Variants in BLTP1 observed in about 807,000 individuals in gnomAD.
BLTP1 encodes the protein fragile site-associated protein.
the BLTP1 span, chr4:122,256,135 G>A: frequency 1.0e-6 from 1 of 984,684 alleles, no homozygotes; most frequent in African/African-American, 1.7e-5. Flanking sequence ...GCCAATAGGG[G>A]ACACACAAGA....
the BLTP1 span, chr4:122,230,032 G>C: frequency 6.2e-7 from 1 of 1,614,132 alleles, no homozygotes; most frequent in Non-Finnish European, 8.5e-7. Flanking sequence ...AGTACATTGA[G>C]CAATTAAATA....
chr4:122,168,176 A>AT, the BLTP1 span, among the ~76,000 whole-genome samples: 5 of 152,210 alleles, frequency 3.3e-5, no homozygotes, highest in African/African-American at 1.2e-4. Context: ...TTAATCTAAT[A>AT]TTTGGGAAAT....
chr4:122,356,035 C>T, the BLTP1 span: 2 of 1,419,016 alleles, frequency 1.4e-6, no homozygotes, highest in Non-Finnish European at 1.9e-6. Flanking sequence ...ATTCTAAAGG[C>T]ACTTCAAACT....
the BLTP1 span, chr4:122,334,161 A>T: frequency 4.8e-6 from 1 of 207,572 alleles, no homozygotes; most frequent in Admixed American, 6.5e-5. Flanking sequence ...GATTATCTGA[A>T]ATGACCTTTT....
the BLTP1 span, among the ~76,000 whole-genome samples, chr4:122,191,057 G>A: frequency 6.6e-6 from 1 of 152,100 alleles, no homozygotes; most frequent in African/African-American, 2.4e-5. Context: ...CACATTTACG[G>A]TAAAACAAAA....
At chr4:122,196,243 A>G in the BLTP1 span, among the ~76,000 whole-genome samples, 1 of 152,168 alleles carries the variant, frequency 6.6e-6, no homozygotes, top group Non-Finnish European at 1.5e-5. Context: ...GACAAGGTAT[A>G]TTATTCCTGT....
At chr4:122,179,824 C>T in the BLTP1 span, 1 of 984,724 alleles carries the variant, frequency 1.0e-6, no homozygotes, top group Non-Finnish European at 1.2e-6. Context: ...CTAGTACACT[C>T]ACTGTATCCC....
the BLTP1 span, chr4:122,199,917 CAA>C: frequency 2.0e-6 from 2 of 978,232 alleles, no homozygotes; most frequent in Non-Finnish European, 2.4e-6. Flanking sequence ...TAAAGAGAAA[CAA>C]TATGTAAATG....
the BLTP1 span, chr4:122,337,203 A>G: frequency 5.2e-6 from 3 of 576,474 alleles, no homozygotes; most frequent in African/African-American, 3.8e-5. Flanking sequence ...AATTTTATGT[A>G]TATACAGATG....
At chr4:122,275,982 T>A in the BLTP1 span, 15 of 1,563,544 alleles carry the variant, frequency 9.6e-6, no homozygotes, top group African/African-American at 1.4e-5. Flanking sequence ...ACTGGAGGAT[T>A]TTCCTACATC....
At chr4:122,159,967 T>TG in the BLTP1 span, among the ~76,000 whole-genome samples, 3 of 152,270 alleles carry the variant, frequency 2.0e-5, no homozygotes, top group South Asian at 6.2e-4. Context: ...GGACCTGGAG[T>TG]GACCCTTCCT....
the BLTP1 span, chr4:122,333,726 G>T: frequency 3.8e-5 from 61 of 1,611,944 alleles, no homozygotes; most frequent in Non-Finnish European, 4.8e-5. Context: ...TTTAATGACC[G>T]GCAAGAAAGT....
chr4:122,343,712 T>C, the BLTP1 span: 3 of 1,263,018 alleles, frequency 2.4e-6, no homozygotes, highest in Non-Finnish European at 3.3e-6. Context: ...GATCAGATGC[T>C]TTTTGTATTT....
chr4:122,286,286 C>A, the BLTP1 span: 1 of 249,624 alleles, frequency 4.0e-6, no homozygotes, highest in Non-Finnish European at 6.3e-6. Flanking sequence ...AAGTGTTTTT[C>A]TAGTGCCTAA....
the BLTP1 span, chr4:122,328,190 T>C: frequency 3.1e-6 from 5 of 1,611,306 alleles, no homozygotes; most frequent in African/African-American, 6.7e-5. Flanking sequence ...GATCATGTTC[T>C]GTGTTCAGTT....
At chr4:122,250,046 C>T in the BLTP1 span, 14 of 857,136 alleles carry the variant, frequency 1.6e-5, no homozygotes, top group South Asian at 2.1e-4. Flanking sequence ...CTTTATTCAG[C>T]GAAAAATATC....
chr4:122,287,657 G>T, the BLTP1 span: 16 of 984,668 alleles, frequency 1.6e-5, no homozygotes, highest in Non-Finnish European at 1.9e-5. Flanking sequence ...AATGCTCTTT[G>T]GGTTCTCTGA....
At chr4:122,177,413 C>G in the BLTP1 span, among the ~76,000 whole-genome samples, 1 of 152,202 alleles carries the variant, frequency 6.6e-6, no homozygotes, top group Non-Finnish European at 1.5e-5. Flanking sequence ...TCAACCTGCT[C>G]TTAATACACT....
At chr4:122,326,249 G>T in the BLTP1 span, among the ~76,000 whole-genome samples, 3 of 151,560 alleles carry the variant, frequency 2.0e-5, no homozygotes, top group African/African-American at 7.3e-5. Context: ...CATAAACAAA[G>T]ATCAGTTCAA....
Sources: allele counts gnomAD v4.1 joint callset (sites outside exome capture counted in the v4.1 genomes callset), GRCh38; gene constraint gnomAD v4.1.1; transcripts MANE v1.5; gene names NCBI Gene and HGNC (gene_info 2026-07-23, HGNC 2026-07-21).